Variants in CRADD observed in about 807,000 individuals in gnomAD.
The protein encoded by CRADD is death domain-containing protein CRADD.
CRADD carries 9 observed loss-of-function variants against 15.5 expected under a neutral mutation model. The ratio of observed to expected loss-of-function variants is 0.58; its 90% CI spans 0.35 to 1.01. CRADD has a LOEUF of 1.01. Ranked by LOEUF, CRADD falls within the 50% of genes least tolerant of loss-of-function variation. The pLI is 0.02. For missense variants in CRADD, 227 were observed against 250.3 expected (o/e 0.91, Z 0.63); for synonymous variants, 118 against 107.6 (o/e 1.10, Z -0.60).
intron 2 of CRADD, among the ~76,000 whole-genome samples, chr12:93,745,232 AT>A (rs754595203): frequency 6.4e-4 from 98 of 152,360 alleles, no homozygotes; most frequent in Non-Finnish European, 1.2e-3. Context: ...TTCTACTTAA[AT>A]TCTAATTTTT....
At chr12:93,838,188 G>A (rs1957997349) in intron 2 of CRADD, 1 of 150,456 alleles carries the variant, frequency 6.6e-6, no homozygotes, top group South Asian at 2.1e-4. Flanking sequence ...GCAGAACAAG[G>A]GGTTCTAATT....
chr12:93,890,894 C>T (rs1331013796), intron 2 of CRADD, among the ~76,000 whole-genome samples: 2 of 151,682 alleles, frequency 1.3e-5, no homozygotes, highest in Non-Finnish European at 2.9e-5. Context: ...GGACTACAGG[C>T]ACGTGCCACA....
chr12:93,700,013 TC>T (rs1955805083), intron 2 of CRADD, among the ~76,000 whole-genome samples: 1 of 152,138 alleles, frequency 6.6e-6, no homozygotes, highest in African/African-American at 2.4e-5. Flanking sequence ...AGGGAGTGCT[TC>T]GAAGGTGAAT....
chr12:93,797,201 G>A (rs1957428069), intron 2 of CRADD, among the ~76,000 whole-genome samples: 1 of 152,168 alleles, frequency 6.6e-6, no homozygotes, highest in African/African-American at 2.4e-5. Flanking sequence ...GCATTTACTG[G>A]TTGCTTTGAG....
chr12:93,797,134 A>G (rs1329970732), intron 2 of CRADD, among the ~76,000 whole-genome samples: 2 of 152,214 alleles, frequency 1.3e-5, no homozygotes, highest in Non-Finnish European at 2.9e-5. Flanking sequence ...TGCGGAAGAA[A>G]AGGAAACCCC....
chr12:93,852,675 T>C (rs10777547), downstream of CRADD, among the ~76,000 whole-genome samples: 56,972 of 152,214 alleles, frequency 0.37, 11,328 homozygotes, highest in Middle Eastern at 0.48. Context: ...GTGAAGAGCC[T>C]GCAGGGATTT....
chr12:93,725,021 T>C (rs35831192), intron 2 of CRADD, among the ~76,000 whole-genome samples: 61,901 of 151,808 alleles, frequency 0.41, 13,081 homozygotes, highest in East Asian at 0.56. Context: ...CCACCACGCT[T>C]GGCTAATTTT....
At chr12:93,823,555 G>A (rs1957791990) in intron 2 of CRADD, among the ~76,000 whole-genome samples, 1 of 152,140 alleles carries the variant, frequency 6.6e-6, no homozygotes, top group South Asian at 2.1e-4. Context: ...TTTCTTTTAA[G>A]AATTCTCTGC....
intron 2 of CRADD, among the ~76,000 whole-genome samples, chr12:93,722,014 G>A (rs181758740): frequency 2.0e-5 from 3 of 152,168 alleles, no homozygotes; most frequent in African/African-American, 4.8e-5. Flanking sequence ...AACATTTCTT[G>A]TAAGGCAGGT....
rs1300031824 is a variant in CRADD, at chr12:93,679,081, CAGAA to C, written c.298+13_298+16del. On this transcript the variant is annotated intron_variant, in intron 2 of 2. Transcript: ENST00000332896. ...GACCGACCTGCCTGCAGGTAGGCCTCAGAAAGATCACTTTGAACCAGCTCCAAAA... is the reference window on the plus strand; with the variant it reads ...GACCGACCTGCCTGCAGGTAGGCCTCAGATCACTTTGAACCAGCTCCAAAA... 6.2e-7 allele frequency: 1 copy of C among 1,604,234 alleles called. No individual in the cohort carries two copies. Among genetic ancestry groups the C allele is most frequent in the Admixed American group, 1.7e-5 (1 of 58,886 alleles).
At chr12:93,857,314 A>G (rs1958283350) in intron 2 of CRADD, among the ~76,000 whole-genome samples, 1 of 152,146 alleles carries the variant, frequency 6.6e-6, no homozygotes, top group South Asian at 2.1e-4. Flanking sequence ...TCTTCTGGTG[A>G]CGTATAACCT....
intron 2 of CRADD, among the ~76,000 whole-genome samples, chr12:93,801,409 A>AT (rs1430140318): frequency 4.0e-5 from 6 of 151,688 alleles, no homozygotes; most frequent in Non-Finnish European, 8.8e-5. Flanking sequence ...ATTTTTATCT[A>AT]TTTTTTTGAG....
chr12:93,886,432 A>ATTAC (rs2137076478), intron 2 of CRADD, among the ~76,000 whole-genome samples: 1 of 152,210 alleles, frequency 6.6e-6, no homozygotes, highest in Admixed American at 6.5e-5. Context: ...AAGTGCTGGG[A>ATTAC]TTACGGGTGT....
chr12:93,778,153 C>A (rs1372415891), intron 2 of CRADD, among the ~76,000 whole-genome samples: 1 of 152,158 alleles, frequency 6.6e-6, no homozygotes, highest in African/African-American at 2.4e-5. Context: ...CCTGGATATG[C>A]TTTATTCTCT....
intron 2 of CRADD, among the ~76,000 whole-genome samples, chr12:93,680,093 C>G (rs191373320): frequency 6.6e-6 from 1 of 152,040 alleles, no homozygotes; most frequent in Non-Finnish European, 1.5e-5. Context: ...TGGCTTGTAG[C>G]AGGAAGAAGA....
intron 2 of CRADD, among the ~76,000 whole-genome samples, chr12:93,841,943 T>C (rs953214569): frequency 3.9e-5 from 6 of 152,004 alleles, no homozygotes; most frequent in African/African-American, 1.5e-4. Flanking sequence ...TCCGGAGGAA[T>C]GTATATAGTT....
At chr12:93,733,025 C>T (rs1956494621) in intron 2 of CRADD, among the ~76,000 whole-genome samples, 1 of 152,096 alleles carries the variant, frequency 6.6e-6, no homozygotes, top group Non-Finnish European at 1.5e-5. Flanking sequence ...ATTTTCTTCC[C>T]CAAGAAATGG....
intron 2 of CRADD, among the ~76,000 whole-genome samples, chr12:93,833,815 A>G (rs1957939624): frequency 9.4e-6 from 1 of 106,408 alleles, no homozygotes; most frequent in Non-Finnish European, 2.1e-5. Context: ...GCTGGTTTTC[A>G]TTTTGTGTTT....
At chr12:93,841,559 T>C (rs1470481125) in intron 2 of CRADD, among the ~76,000 whole-genome samples, 1 of 152,210 alleles carries the variant, frequency 6.6e-6, no homozygotes, top group Admixed American at 6.5e-5. Context: ...TTTCATACTT[T>C]GGTCTGTTCA....
Sources: allele counts gnomAD v4.1 joint callset (sites outside exome capture counted in the v4.1 genomes callset), GRCh38; gene constraint gnomAD v4.1.1; transcripts MANE v1.5; gene names NCBI Gene and HGNC (gene_info 2026-07-23, HGNC 2026-07-21).